The following CD164 variants were observed in gnomAD, a reference collection of about 807,000 sequenced individuals.
CD164 encodes the protein sialomucin core protein 24.
CD164 carries 11 observed loss-of-function variants against 24.6 expected under a neutral mutation model. The ratio of observed to expected loss-of-function variants is 0.45; its 90% confidence interval spans 0.28 to 0.74. CD164 has a LOEUF of 0.74. Among genes scored for constraint, CD164 ranks in the 30% least tolerant of loss-of-function variants. The pLI is 0.13. For missense variants in CD164, 295 were observed against 243.7 expected, an observed-to-expected ratio of 1.21 and a Z score of -1.40; for synonymous variants, 126 against 100.3, an observed-to-expected ratio of 1.26 and a Z score of -1.53.
intron 4 of CD164, among the ~76,000 whole-genome samples, chr6:109,374,761 G>C (rs938755964): frequency 1.3e-5 from 2 of 152,098 alleles, no homozygotes; most frequent in African/African-American, 4.8e-5. Context: ...TGAACTCACC[G>C]TACTACTTCA....
chr6:109,377,423 G>A (rs190035773), intron 3 of CD164, among the ~76,000 whole-genome samples: 74 of 152,130 alleles, frequency 4.9e-4, no homozygotes, highest in African/African-American at 1.7e-3. Flanking sequence ...TTTGCTGGAC[G>A]AATAGTAAAG....
intron 5 of CD164, among the ~76,000 whole-genome samples, chr6:109,369,958 G>A (rs533839462): frequency 6.6e-6 from 1 of 152,230 alleles, no homozygotes; most frequent in East Asian, 1.9e-4. Flanking sequence ...TCACATTACT[G>A]AGCAATGTTA....
chr6:109,381,743 G>C, intron 1 of CD164: 1 of 589,638 alleles, frequency 1.7e-6, no homozygotes, highest in South Asian at 2.0e-5. Context: ...GACTTCCGGA[G>C]AAGGCTACCT....
At chr6:109,381,308 G>A (rs1195305361) in intron 1 of CD164, among the ~76,000 whole-genome samples, 1 of 152,072 alleles carries the variant, frequency 6.6e-6, no homozygotes, top group African/African-American at 2.4e-5. Flanking sequence ...CAAAAGACAC[G>A]CTCCTGATCG....
chr6:109,370,591 C>T (rs113348468), intron 4 of CD164, 124 bp from the exon 5 acceptor site: 11 of 740,288 alleles, frequency 1.5e-5, no homozygotes, highest in African/African-American at 8.9e-5. Flanking sequence ...GACCAAAAGC[C>T]AAATTTCAGT....
intron 4 of CD164, among the ~76,000 whole-genome samples, chr6:109,375,670 C>T (rs1381186937): frequency 1.3e-5 from 2 of 149,674 alleles, no homozygotes; most frequent in Admixed American, 6.7e-5. Context: ...TGAACGTTAT[C>T]GTACAATTTC....
chr6:109,367,104 G>T lies in CD164; in HGVS notation c.*1747C>A, dbSNP rs1033174391. On this transcript the variant is annotated 3_prime_UTR_variant, in exon 6 of 6. Transcript: ENST00000310786. ...ATGGCACCATAATACATTTTGTGAGGTACCTAGAATATTACTAATGGAAAC... is the reference window on the plus strand; with the variant it reads ...ATGGCACCATAATACATTTTGTGAGTTACCTAGAATATTACTAATGGAAAC... 16 of 152,502 alleles carry T rather than the reference G, an allele frequency of 1.0e-4. No individual in the cohort carries two copies. The highest frequency in any genetic ancestry group is 5.2e-4 in the Admixed American group (8 of 15,270). 9.4% of individuals were successfully genotyped at this position (152,502 alleles called of 1,614,324 possible).
At chr6:109,378,074 G>T in intron 2 of CD164, 103 bp from the exon 3 acceptor site, 1 of 956,854 alleles carries the variant, frequency 1.0e-6, no homozygotes, top group East Asian at 2.5e-5. Context: ...AAACACTTTA[G>T]AAGTGGGCAG....
intron 2 of CD164, 58 bp downstream of exon 2, chr6:109,379,521 A>G: frequency 3.2e-6 from 4 of 1,243,110 alleles, no homozygotes; most frequent in Non-Finnish European, 4.6e-6. Context: ...AGTGTTCAAG[A>G]ATTACTGTAT....
chr6:109,366,674 C>T lies in CD164; in HGVS notation c.*2177G>A, dbSNP rs1313658418. The stretch of plus-strand genomic sequence containing the variant: ...TAAAATAAGGTATTTGATAGAAGAA[C>T]ATCTGCAAGAACAAATCAGATGAAA... On this transcript the variant is annotated 3_prime_UTR_variant, in exon 6 of 6. Transcript: ENST00000310786. 6.6e-6 allele frequency: 1 copy of T among 152,508 alleles called. No homozygotes were observed. The highest frequency in any genetic ancestry group is 1.5e-5 in the Non-Finnish European group (1 of 68,016). 9.4% of individuals were successfully genotyped at this position (152,508 alleles called of 1,614,324 possible).
intron 3 of CD164, 141 bp from the exon 4 acceptor site, chr6:109,376,253 A>T: frequency 1.8e-6 from 1 of 542,502 alleles, no homozygotes; most frequent in African/African-American, 2.0e-5. Context: ...TGTGGAAGAG[A>T]CTGACAGTTG....
In CD164 at chr6:109,368,651, T is replaced by A; in HGVS notation, c.*200A>T. 1 of 1,373,122 alleles carries A rather than the reference T, an allele frequency of 7.3e-7. No homozygotes were observed. Among genetic ancestry groups the A allele is most frequent in the Non-Finnish European group, 9.4e-7 (1 of 1,069,446 alleles). 85.1% of individuals were successfully genotyped at this position (1,373,122 alleles called of 1,614,324 possible). A position where few individuals can be genotyped will look rare whatever the true frequency, so the allele number is the denominator to read the frequency against. On this transcript the variant is annotated 3_prime_UTR_variant, in exon 6 of 6. Transcript: ENST00000310786. Reference sequence around the variant, plus strand: ...ACAGCCACAGGATTCATGCAGAATATTTTAAATATTCCTGTTGAACACAAT... The same window carrying A: ...ACAGCCACAGGATTCATGCAGAATAATTTAAATATTCCTGTTGAACACAAT...
At chr6:109,377,187 A>G (rs1198497318) in intron 3 of CD164, among the ~76,000 whole-genome samples, 1 of 152,216 alleles carries the variant, frequency 6.6e-6, no homozygotes, top group East Asian at 1.9e-4. Context: ...GTGTGAAGTA[A>G]AACTGATCTA....
intron 5 of CD164, among the ~76,000 whole-genome samples, chr6:109,369,913 T>A (rs1191886450): frequency 6.6e-6 from 1 of 152,212 alleles, no homozygotes; most frequent in Non-Finnish European, 1.5e-5. Flanking sequence ...TTAAATTAGA[T>A]TATGTCAAAT....
chr6:109,377,366 T>C (rs1278249609), intron 3 of CD164, among the ~76,000 whole-genome samples: 5 of 152,224 alleles, frequency 3.3e-5, no homozygotes, highest in African/African-American at 1.2e-4. Context: ...CCCACTGATT[T>C]ACAATCTCAT....
chr6:109,376,724 C>T (rs920013796), intron 3 of CD164, among the ~76,000 whole-genome samples: 8 of 152,194 alleles, frequency 5.3e-5, no homozygotes, highest in Non-Finnish European at 8.8e-5. Context: ...TCCTTTAAAT[C>T]AGTTTTCAAA....
At chr6:109,379,250 T>C (rs1343106506) in intron 2 of CD164, among the ~76,000 whole-genome samples, 1 of 152,328 alleles carries the variant, frequency 6.6e-6, no homozygotes, top group Non-Finnish European at 1.5e-5. Context: ...CACGCATCTG[T>C]AGTCTTGGCT....
chr6:109,375,601 A>T (rs1771348419), intron 4 of CD164, among the ~76,000 whole-genome samples: 1 of 143,814 alleles, frequency 7.0e-6, no homozygotes, highest in South Asian at 2.3e-4. Context: ...TGAGCGGCAG[A>T]GCAAGACTTC....
In CD164 at chr6:109,367,904, A is replaced by C. The variant is rs1461163385; in HGVS notation, c.*947T>G. 2 of 159,802 alleles carry C rather than the reference A, an allele frequency of 1.3e-5. No individual in the cohort carries two copies. Among genetic ancestry groups the C allele is most frequent in the Non-Finnish European group, 2.7e-5 (2 of 73,074 alleles). 9.9% of individuals were successfully genotyped at this position (159,802 alleles called of 1,614,324 possible). ...CAATAGTGCTAGCATACTTTTTTTT[A>C]AAGTACAAAGGAAAGTGTAATTAAA... On this transcript the variant is annotated 3_prime_UTR_variant, in exon 6 of 6. Coordinates refer to ENST00000310786, the MANE Select transcript of CD164 (RefSeq NM_006016.6).
Sources: allele counts gnomAD v4.1 joint callset (sites outside exome capture counted in the v4.1 genomes callset), GRCh38; gene constraint gnomAD v4.1.1; transcripts MANE v1.5; gene names NCBI Gene and HGNC (gene_info 2026-07-23, HGNC 2026-07-21).